CPQ: variants seen among roughly 807,000 people sequenced by gnomAD.
The protein encoded by CPQ is Ser-Met dipeptidase.
CPQ carries 37 observed loss-of-function variants against 45.7 expected under a neutral mutation model. That is an observed-to-expected ratio of 0.81 (90% CI 0.62 to 1.07). The LOEUF (loss-of-function observed/expected upper bound fraction) is 1.07, where lower values mean the gene tolerates loss of function less well. Among genes scored for constraint, CPQ ranks in the 50% least tolerant of loss-of-function variants. The pLI, the probability that CPQ is intolerant of heterozygous loss-of-function variation, is 0.00. For missense variants in CPQ, 537 were observed against 572.9 expected (o/e 0.94, Z 0.64); for synonymous variants, 186 against 205.8 (o/e 0.90, Z 0.82).
At chr8:96,991,425 A>G (rs1280353205) in intron 5 of CPQ, among the ~76,000 whole-genome samples, 1 of 151,922 alleles carries the variant, frequency 6.6e-6, no homozygotes, top group Non-Finnish European at 1.5e-5. Flanking sequence ...GCGTGGTGGC[A>G]GGTGCCTCTT....
intron 1 of CPQ, among the ~76,000 whole-genome samples, chr8:96,753,159 G>T (rs2130786841): frequency 6.6e-6 from 1 of 152,136 alleles, no homozygotes; most frequent in East Asian, 1.9e-4. Flanking sequence ...TTATAGAGTA[G>T]TCCATTTTTT....
chr8:96,974,242 A>C (rs1813736135), intron 5 of CPQ, among the ~76,000 whole-genome samples: 1 of 152,164 alleles, frequency 6.6e-6, no homozygotes, highest in Non-Finnish European at 1.5e-5. Flanking sequence ...GAAAAAACAA[A>C]CTTTAAATCA....
chr8:97,062,215 T>C (rs1810562300), intron 6 of CPQ, among the ~76,000 whole-genome samples: 1 of 152,162 alleles, frequency 6.6e-6, no homozygotes. Flanking sequence ...TTTAAAGGCC[T>C]TTTCTTTAAA....
intron 7 of CPQ, among the ~76,000 whole-genome samples, chr8:97,070,134 GC>G (rs1169227624): frequency 6.6e-6 from 1 of 152,150 alleles, no homozygotes; most frequent in Non-Finnish European, 1.5e-5. Context: ...TCAGATTCCA[GC>G]CTTCTCCCAT....
intron 5 of CPQ, among the ~76,000 whole-genome samples, chr8:97,001,611 A>T (rs1809281441): frequency 6.6e-6 from 1 of 151,594 alleles, no homozygotes; most frequent in African/African-American, 2.4e-5. Context: ...ATTGTGGTGG[A>T]TAAACTTTTT....
Position 97,108,595 on chromosome 8 carries a change from G to C in CPQ, c.1256-34425G>C, listed in dbSNP as rs895804725. Among the ~76,000 whole-genome samples, 25 of 152,184 alleles carry C rather than the reference G, an allele frequency of 1.6e-4. 1 individual carries two copies. The highest frequency in any genetic ancestry group is 2.6e-4 in the Admixed American group (4 of 15,274). On this transcript the variant is annotated intron_variant, in intron 7 of 7. Transcript: ENST00000220763. ...GCAATCGCTTTCTGAATAGTCAAGT[G>C]ATTCAGCGATTACCTCTGTGCACCC...
intron 2 of CPQ, among the ~76,000 whole-genome samples, chr8:96,806,606 A>G (rs1057184019): frequency 3.9e-5 from 6 of 152,238 alleles, no homozygotes; most frequent in African/African-American, 1.2e-4. Flanking sequence ...GCCTGAATTA[A>G]ACAACGTTGA....
chr8:96,663,720 T>A (rs1246192641), intron 1 of CPQ, among the ~76,000 whole-genome samples: 1 of 152,192 alleles, frequency 6.6e-6, no homozygotes, highest in East Asian at 1.9e-4. Flanking sequence ...TTTCAACATC[T>A]TAAACTTCTA....
At chr8:96,674,864 G>T (rs973681883) in intron 1 of CPQ, among the ~76,000 whole-genome samples, 1 of 152,034 alleles carries the variant, frequency 6.6e-6, no homozygotes, top group Non-Finnish European at 1.5e-5. Flanking sequence ...ATGATTTAAA[G>T]GACTTTTTGA....
chr8:96,756,156 C>T (rs866955603), intron 1 of CPQ, among the ~76,000 whole-genome samples: 1 of 152,024 alleles, frequency 6.6e-6, no homozygotes, highest in Non-Finnish European at 1.5e-5. Context: ...ATTTATACTA[C>T]CCTAAGCTTT....
intron 1 of CPQ, among the ~76,000 whole-genome samples, chr8:96,750,991 A>G (rs1393175120): frequency 6.6e-6 from 1 of 152,132 alleles, no homozygotes; most frequent in African/African-American, 2.4e-5. Context: ...GTTGCATAGT[A>G]TTCCATTATG....
At chr8:96,832,399 C>A (rs1305539513) in intron 2 of CPQ, among the ~76,000 whole-genome samples, 2 of 152,164 alleles carry the variant, frequency 1.3e-5, no homozygotes, top group Non-Finnish European at 2.9e-5. Flanking sequence ...ATCCAGTCAG[C>A]AGTCTCTTAT....
chr8:97,089,935 C>T (rs1028077713), intron 7 of CPQ, among the ~76,000 whole-genome samples: 2 of 152,030 alleles, frequency 1.3e-5, no homozygotes, highest in African/African-American at 4.8e-5. Flanking sequence ...TCTTAAGTTC[C>T]CCTGCGGGCT....
At chr8:97,089,716 G>T (rs975059145) in intron 7 of CPQ, among the ~76,000 whole-genome samples, 3 of 152,048 alleles carry the variant, frequency 2.0e-5, no homozygotes, top group African/African-American at 7.2e-5. Flanking sequence ...CCCTTTATGT[G>T]TATTGAACTC....
intron 1 of CPQ, among the ~76,000 whole-genome samples, chr8:96,678,200 C>A (rs1043083623): frequency 6.6e-6 from 1 of 151,912 alleles, no homozygotes; most frequent in African/African-American, 2.4e-5. Flanking sequence ...TTTTCTAATT[C>A]TGTGAAGAAT....
intron 1 of CPQ, among the ~76,000 whole-genome samples, chr8:96,731,754 G>A (rs1809915970): frequency 6.6e-6 from 1 of 152,154 alleles, no homozygotes; most frequent in Non-Finnish European, 1.5e-5. Context: ...CTATGGACCA[G>A]AGGAGCAGGT....
intron 1 of CPQ, among the ~76,000 whole-genome samples, chr8:96,667,897 T>G (rs755745705): frequency 1.2e-3 from 190 of 152,322 alleles, no homozygotes; most frequent in Non-Finnish European, 1.1e-3. Flanking sequence ...ATTATTTACC[T>G]TTAATTATTA....
intron 3 of CPQ, among the ~76,000 whole-genome samples, chr8:96,857,015 C>G (rs1003660834): frequency 1.3e-5 from 2 of 152,168 alleles, no homozygotes; most frequent in African/African-American, 4.8e-5. Flanking sequence ...ATGTGACCTG[C>G]TAGGGAAATT....
At chr8:97,058,690 C>G (rs189503460) in intron 6 of CPQ, among the ~76,000 whole-genome samples, 1 of 152,258 alleles carries the variant, frequency 6.6e-6, no homozygotes, top group Admixed American at 6.5e-5. Context: ...GGCACTTTCT[C>G]TTCTACAACT....
Sources: allele counts gnomAD v4.1 joint callset (sites outside exome capture counted in the v4.1 genomes callset), GRCh38; gene constraint gnomAD v4.1.1; transcripts MANE v1.5; gene names NCBI Gene and HGNC (gene_info 2026-07-23, HGNC 2026-07-21).